The following TCTN1 variants were observed in gnomAD, a reference collection of about 807,000 sequenced individuals.
The protein encoded by TCTN1 is tectonic-1.
Under a neutral mutation model 65.8 loss-of-function variants are expected in TCTN1, and 58 were observed. That is an observed-to-expected ratio of 0.88 (90% CI 0.71 to 1.10). The LOEUF (loss-of-function observed/expected upper bound fraction) is 1.10, where lower values mean the gene tolerates loss of function less well. TCTN1 is among the 50% of genes least tolerant of loss of function. The pLI, the probability that TCTN1 is intolerant of heterozygous loss-of-function variation, is 0.00. For missense variants in TCTN1, 645 were observed against 719.4 expected (o/e 0.90, Z 1.18); for synonymous variants, 273 against 289.1 (o/e 0.94, Z 0.57).
chr12:110,643,439 G>A (rs1210677671), intron 11 of TCTN1: 1 of 152,120 alleles, frequency 6.6e-6, no homozygotes, highest in African/African-American at 2.4e-5. Context: ...CACCTTGGAG[G>A]CAACCACTTT....
In TCTN1 at chr12:110,641,618, C is replaced by T. The variant is rs1267099990; in HGVS notation, c.1181C>T (p.Pro394Leu). 1 of 1,614,056 alleles carries T rather than the reference C, an allele frequency of 6.2e-7. No individual in the cohort carries two copies. Among genetic ancestry groups the T allele is most frequent in the Middle Eastern group, 1.6e-4 (1 of 6,062 alleles). ...CTCCCATTAGCTGCTGGATTCCAGC[C>T]TCATAAGGGATATCCTTTTTGGTTC... ...VGLPLAAGFQ[P>L]HKGSGIIQTT... is the part of the protein sequence containing the mutation. The change falls in exon 10 of 15, where the codon CCT (proline) becomes CTT (leucine). Residue 394 changes from proline to leucine, a missense_variant. Physicochemically the swap from Pro to Leu is moderately conservative, Grantham distance 98. Transcript: ENST00000397659.
At chr12:110,646,870 T>C (rs1339383671) in intron 12 of TCTN1, 2 of 350,120 alleles carry the variant, frequency 5.7e-6, no homozygotes, top group African/African-American at 4.2e-5. Flanking sequence ...GTGAGGCCGC[T>C]ATAAACAGGT....
intron 4 of TCTN1, among the ~76,000 whole-genome samples, chr12:110,632,223 A>C (rs1016924432): frequency 6.6e-6 from 1 of 152,200 alleles, no homozygotes; most frequent in Non-Finnish European, 1.5e-5. Context: ...TGTCTCATGT[A>C]CCCTTCCAGA....
In TCTN1 at chr12:110,630,957, C is replaced by CGTT. The variant is rs547662704; in HGVS notation, c.625-1493_625-1491dup. Among the ~76,000 whole-genome samples the CGTT allele has an allele frequency of 1.8e-3, 277 of 151,948 alleles. 1 individual carries two copies. The highest frequency in any genetic ancestry group is 5.1e-3 in the African/African-American group (211 of 41,482). ...CTTGTCAGAACTAGTGATAGAGCTG[C>CGTT]GTTGTTGTTGTTGTTGTTGTTGTTT... On this transcript the variant is annotated intron_variant, in intron 4 of 14. Coordinates refer to ENST00000397659, the MANE Select transcript of TCTN1 (RefSeq NM_001082538.3).
At chr12:110,628,021 G>C in intron 3 of TCTN1, 1 of 1,534,886 alleles carries the variant, frequency 6.5e-7, no homozygotes, top group Non-Finnish European at 8.7e-7. Flanking sequence ...GAACATGCCA[G>C]CCTGCTTCCT....
chr12:110,647,651 G>A, intron 13 of TCTN1, 98 bp from the exon 14 acceptor site: 1 of 1,565,384 alleles, frequency 6.4e-7, no homozygotes, highest in African/African-American at 1.4e-5. Flanking sequence ...TTCATGAACT[G>A]ACAGTAGTTG....
chr12:110,641,210 C>A lies in TCTN1; in HGVS notation c.1104+61C>A, dbSNP rs556868402. The A allele has an allele frequency of 2.5e-5, 41 of 1,608,134 alleles. 1 individual carries two copies. In the South Asian group the frequency reaches 4.5e-4, roughly 18 times the overall value. Reference sequence around the variant, plus strand: ...CCAAGTTAAAAAGAAATAATGACTTCTCAGTGGATAAAACTGAATTTCTAA... The same window carrying A: ...CCAAGTTAAAAAGAAATAATGACTTATCAGTGGATAAAACTGAATTTCTAA... On this transcript the variant is annotated intron_variant, in intron 9 of 14. Transcript: ENST00000397659.
In TCTN1 at chr12:110,640,441, G is replaced by A. The variant is rs780877516; in HGVS notation, c.902G>A (p.Arg301Gln). The stretch of plus-strand genomic sequence containing the variant: ...TCTCTAAATAAAACGCTCACCCGAC[G>A]GGAGGACACTGATGTGCTGCAGCCG... ...IQSLNKTLTR[R>Q]EDTDVLQPTL... The change falls in exon 8 of 15, where the codon CGG becomes CAG. Residue 301 changes from arginine to glutamine, a missense_variant. Transcript: ENST00000397659. This position sits in a 1 kb window ranked among gnomAD's most constrained non-coding sequence, Gnocchi z 4.9. 34 of 1,614,052 alleles carry A rather than the reference G, an allele frequency of 2.1e-5. No homozygotes were observed. In the Admixed American group the frequency reaches 4.3e-4, roughly 21 times the overall value.
At chr12:110,623,677 C>T (rs2065610681) in intron 2 of TCTN1, among the ~76,000 whole-genome samples, 2 of 152,150 alleles carry the variant, frequency 1.3e-5, no homozygotes, top group Admixed American at 6.6e-5. Flanking sequence ...TGTAACCTTG[C>T]TCCTGGGCTC....
In TCTN1 at chr12:110,639,438, CTGTGTG is replaced by C. The variant is rs10673730; in HGVS notation, c.844-927_844-922del. Among the ~76,000 whole-genome samples, 4 of 148,040 alleles carry C rather than the reference CTGTGTG, an allele frequency of 2.7e-5. No individual in the cohort carries two copies. Among genetic ancestry groups the C allele is most frequent in the Non-Finnish European group, 4.5e-5 (3 of 66,752 alleles). On this transcript the variant is annotated intron_variant, in intron 7 of 14. Coordinates refer to ENST00000397659, the MANE Select transcript of TCTN1 (RefSeq NM_001082538.3). This position sits in a 1 kb window ranked among gnomAD's most constrained non-coding sequence, Gnocchi z 4.9. ...ATAATCCTACCACCCAGAGAAACCA[CTGTGTG>C]TGTGTGTGTGTGTGTGTATGTGTGT...
intron 6 of TCTN1, among the ~76,000 whole-genome samples, 172 bp downstream of exon 6, chr12:110,634,951 AT>A (rs1198010888): frequency 3.3e-5 from 5 of 152,208 alleles, no homozygotes; most frequent in African/African-American, 1.2e-4. Flanking sequence ...AATAATTTTT[AT>A]TTTTTTATAG....
At position 110,641,120 on chromosome 12, in the gene TCTN1, C is replaced by T; in HGVS notation, c.1075C>T (p.Gln359Ter). The T allele has an allele frequency of 6.2e-7, 1 of 1,614,246 alleles. No individual in the cohort carries two copies. Among genetic ancestry groups the T allele is most frequent in the Non-Finnish European group, 8.5e-7 (1 of 1,180,040 alleles). ...AGTTAGCAGCGTAGTGGTCCCACTG[C>T]AGCAAAAGTTTGAAATTCATTTTCT... ...GTVSSVVVPL[Q>*]QKFEIHFLQE... Residue 359 changes from glutamine (Q) to a stop codon, truncating the protein, a stop_gained, in exon 9 of 15, where the codon CAG becomes TAG. Coordinates refer to ENST00000397659, the MANE Select transcript of TCTN1 (RefSeq NM_001082538.3). LOFTEE classifies it high-confidence loss of function.
At chr12:110,631,938 C>G (rs909112558) in intron 4 of TCTN1, among the ~76,000 whole-genome samples, 3 of 152,132 alleles carry the variant, frequency 2.0e-5, no homozygotes, top group African/African-American at 7.2e-5. Context: ...CCTGCTGGCA[C>G]TAAAGCATTT....
At chr12:110,631,832 G>A (rs2066257548) in intron 4 of TCTN1, among the ~76,000 whole-genome samples, 1 of 152,104 alleles carries the variant, frequency 6.6e-6, no homozygotes, top group African/African-American at 2.4e-5. Flanking sequence ...AAAAATGAAT[G>A]GAAAATTTAA....
At chr12:110,643,397 G>A (rs1335380457) in intron 11 of TCTN1, 2 of 152,154 alleles carry the variant, frequency 1.3e-5, no homozygotes, top group African/African-American at 4.8e-5. Flanking sequence ...TGCGCAGCTT[G>A]TTATAAAAAT....
chr12:110,622,126 A>G (rs1271383629), intron 2 of TCTN1, among the ~76,000 whole-genome samples: 1 of 151,654 alleles, frequency 6.6e-6, no homozygotes, highest in Non-Finnish European at 1.5e-5. Context: ...AACAAGAGCG[A>G]AACTCCATAA....
At chr12:110,622,030 CAG>C (rs934609701) in intron 2 of TCTN1, among the ~76,000 whole-genome samples, 2 of 151,796 alleles carry the variant, frequency 1.3e-5, no homozygotes, top group Admixed American at 6.6e-5. Context: ...CCCAGCTACT[CAG>C]GGGGCTGAGG....
At chr12:110,617,167 A>G (rs972989515) in intron 1 of TCTN1, among the ~76,000 whole-genome samples, 20 of 152,226 alleles carry the variant, frequency 1.3e-4, no homozygotes, top group Admixed American at 5.9e-4. Context: ...ATTAGCGTGC[A>G]TAAGTTGTGT....
At position 110,634,699 on chromosome 12, in the gene TCTN1, A is replaced by G; in HGVS notation, c.742A>G (p.Thr248Ala). 1 of 1,611,684 alleles carries G rather than the reference A, an allele frequency of 6.2e-7. No individual in the cohort carries two copies. The highest frequency in any genetic ancestry group is 1.3e-5 in the African/African-American group (1 of 75,002). Residue 248 changes from threonine (T) to alanine (A), a missense_variant, in exon 6 of 15, where the codon ACC (threonine) becomes GCC (alanine). Coordinates refer to ENST00000397659, the MANE Select transcript of TCTN1 (RefSeq NM_001082538.3). ...TCTGGTGAACCAGGCTGTTAAGTGCACCAGAAAAATAAATTTAGAACAGTG... is the reference window on the plus strand; with the variant it reads ...TCTGGTGAACCAGGCTGTTAAGTGCGCCAGAAAAATAAATTTAGAACAGTG... ...AFLVNQAVKCTRKINLEQCEE... is the reference protein window; with the variant it reads ...AFLVNQAVKCARKINLEQCEE...
Sources: allele counts gnomAD v4.1 joint callset (sites outside exome capture counted in the v4.1 genomes callset), GRCh38; gene constraint gnomAD v4.1.1; non-coding constraint Gnocchi (gnomAD v3.1); transcripts MANE v1.5; gene names NCBI Gene and HGNC (gene_info 2026-07-23, HGNC 2026-07-21).